PTPRM: variants seen among roughly 807,000 people sequenced by gnomAD.
PTPRM encodes protein tyrosine phosphatase receptor type M.
Under a neutral mutation model 186.7 loss-of-function variants are expected in PTPRM, and 47 were observed. That is an observed-to-expected ratio of 0.25 (90% confidence interval 0.20 to 0.32). PTPRM has a LOEUF of 0.32. Ranked by LOEUF, PTPRM falls within the 10% of genes least tolerant of loss-of-function variation. PTPRM has a pLI of 1.00. For synonymous variants in PTPRM, 668 were observed against 674.9 expected (o/e 0.99, Z 0.16); for missense variants, 1,494 against 1,865.0 (o/e 0.80, Z 3.66).
intron 13 of PTPRM, among the ~76,000 whole-genome samples, chr18:8,127,322 TC>T (rs2092393187): frequency 1.3e-5 from 2 of 151,376 alleles, no homozygotes; most frequent in South Asian, 4.2e-4. Context: ...ATGCTTAGAA[TC>T]CCTTCCAGGG....
At chr18:8,064,258 A>T (rs1269701663) in intron 7 of PTPRM, among the ~76,000 whole-genome samples, 1 of 152,232 alleles carries the variant, frequency 6.6e-6, no homozygotes, top group Non-Finnish European at 1.5e-5. Flanking sequence ...TCAAACCAGC[A>T]TTTGGAATAC....
intron 13 of PTPRM, among the ~76,000 whole-genome samples, chr18:8,127,418 G>GTTTTTTTT (rs10700223): frequency 2.1e-4 from 28 of 133,658 alleles, no homozygotes; most frequent in East Asian, 2.2e-4. Flanking sequence ...CAGCTGTATT[G>GTTTTTTTT]TTTTTTTTTT....
At chr18:7,820,085 G>T (rs931050353) in intron 2 of PTPRM, among the ~76,000 whole-genome samples, 1 of 152,250 alleles carries the variant, frequency 6.6e-6, no homozygotes, top group Admixed American at 6.5e-5. Context: ...AACTGTGCAG[G>T]ATCTTCTGGG....
chr18:7,819,429 A>G (rs1472515104), intron 2 of PTPRM, among the ~76,000 whole-genome samples: 1 of 45,526 alleles, frequency 2.2e-5, no homozygotes, highest in African/African-American at 4.4e-5. Context: ...AAAAGAGCAC[A>G]CCGACAGTTG....
chr18:7,716,529 C>T (rs1372118850), intron 1 of PTPRM, among the ~76,000 whole-genome samples: 1 of 152,148 alleles, frequency 6.6e-6, no homozygotes, highest in Non-Finnish European at 1.5e-5. Context: ...ACAAAAGAAA[C>T]TATCAGAGTG....
intron 3 of PTPRM, among the ~76,000 whole-genome samples, chr18:7,895,960 G>A: frequency 6.6e-6 from 1 of 152,186 alleles, no homozygotes; most frequent in African/African-American, 2.4e-5. Flanking sequence ...ACTATTTATG[G>A]TAGAATAGTA....
intron 4 of PTPRM, among the ~76,000 whole-genome samples, chr18:7,921,138 G>A (rs2146730675): frequency 6.6e-6 from 1 of 152,036 alleles, no homozygotes; most frequent in East Asian, 1.9e-4. Context: ...TCTCTTTCAT[G>A]TTTTGGAAAG....
rs141712790 is a variant in PTPRM at position 7,599,384 on chromosome 18, A to T, written c.73+31493A>T. Among the ~76,000 whole-genome samples the T allele has an allele frequency of 5.1e-4, 78 of 152,370 alleles. 3 individuals carry two copies. The East Asian group carries it at 6.5e-3, about 13-fold the overall frequency. Reference sequence around the variant, plus strand: ...CATGCAGATTACACTATGAGAGTTCATGCAGGTCTAAATAGTCTCAAATAA... The same window carrying T: ...CATGCAGATTACACTATGAGAGTTCTTGCAGGTCTAAATAGTCTCAAATAA... On this transcript the variant is annotated intron_variant, in intron 1 of 32. Transcript: ENST00000580170.
Position 7,567,469 on chromosome 18 carries a change from C to T in PTPRM, c.-350C>T. 1 of 184,996 alleles carries T rather than the reference C, an allele frequency of 5.4e-6. No homozygotes were observed. Among genetic ancestry groups the T allele is most frequent in the Non-Finnish European group, 1.1e-5 (1 of 90,504 alleles). The allele number at this position is 184,996 out of a possible 1,614,324, so 11.5% of individuals were successfully genotyped here. A position where few individuals can be genotyped will look rare whatever the true frequency, so the allele number is the denominator to read the frequency against. On this transcript the variant is annotated 5_prime_UTR_variant, in exon 1 of 33. Transcript: ENST00000580170. This position sits in a 1 kb window ranked among gnomAD's most constrained non-coding sequence, Gnocchi z 4.3. ...CGGCCACCGCCACGGCCACGGCCGG[C>T]AGCTCGGGTCCCGGGTCCCGGGCAG... is the stretch of plus-strand genomic sequence containing the variant.
At chr18:7,595,348 G>T (rs2037229882) in intron 1 of PTPRM, among the ~76,000 whole-genome samples, 1 of 152,180 alleles carries the variant, frequency 6.6e-6, no homozygotes, top group African/African-American at 2.4e-5. Context: ...TTCCTGATGT[G>T]CCTCTGAGGA....
At chr18:7,626,610 G>A (rs1299202698) in intron 1 of PTPRM, among the ~76,000 whole-genome samples, 6 of 152,206 alleles carry the variant, frequency 3.9e-5, no homozygotes, top group Non-Finnish European at 8.8e-5. Flanking sequence ...CAGTGAGGTT[G>A]TCCTGTGTAC....
Position 8,258,028 on chromosome 18 carries a change from C to G in PTPRM, c.2754+4614C>G, listed in dbSNP as rs150355219. Among the ~76,000 whole-genome samples, 684 of 152,206 alleles carry G rather than the reference C, an allele frequency of 4.5e-3. 5 individuals are homozygous for G. Among genetic ancestry groups the G allele is most frequent in the African/African-American group, 0.016 (656 of 41,532 alleles). On this transcript the variant is annotated intron_variant, in intron 19 of 32. Transcript: ENST00000580170. The stretch of plus-strand genomic sequence containing the variant: ...AAGGTAGTCATATGGCACCTCTCAC[C>G]AGGGAGATGCAATAATTTGATTCAA...
intron 1 of PTPRM, among the ~76,000 whole-genome samples, chr18:7,604,443 T>G (rs2037481428): frequency 6.6e-6 from 1 of 152,214 alleles, no homozygotes; most frequent in African/African-American, 2.4e-5. Context: ...TTCTCTGGTA[T>G]GGGAAATCCT....
chr18:7,697,814 G>A (rs1040794872), intron 1 of PTPRM, among the ~76,000 whole-genome samples: 3 of 152,160 alleles, frequency 2.0e-5, no homozygotes, highest in Non-Finnish European at 2.9e-5. Context: ...TGGAGATGGA[G>A]GTGGAATTCA....
chr18:7,729,188 A>G (rs958874240), intron 1 of PTPRM, among the ~76,000 whole-genome samples: 1 of 152,154 alleles, frequency 6.6e-6, no homozygotes, highest in Non-Finnish European at 1.5e-5. Context: ...GGGATTATAG[A>G]TGTGAGCCCA....
intron 7 of PTPRM, among the ~76,000 whole-genome samples, chr18:7,990,930 C>T (rs2083236008): frequency 2.0e-5 from 3 of 152,020 alleles, no homozygotes. Flanking sequence ...TGAATGATTG[C>T]TATAGCTAAT....
At chr18:7,795,553 T>TGA (rs879799453) in intron 2 of PTPRM, among the ~76,000 whole-genome samples, 4 of 152,014 alleles carry the variant, frequency 2.6e-5, no homozygotes, top group African/African-American at 7.2e-5. Flanking sequence ...TCTTTGTTTG[T>TGA]GAGAGTGTTA....
intron 14 of PTPRM, among the ~76,000 whole-genome samples, chr18:8,176,297 T>G (rs2093480716): frequency 6.6e-6 from 1 of 152,208 alleles, no homozygotes; most frequent in Non-Finnish European, 1.5e-5. Flanking sequence ...GTAATCTCTA[T>G]CTACTGCAAT....
intron 7 of PTPRM, among the ~76,000 whole-genome samples, chr18:7,975,391 A>C (rs759722463): frequency 2.0e-5 from 3 of 152,218 alleles, no homozygotes; most frequent in African/African-American, 4.8e-5. Context: ...TGACTGGATA[A>C]ACTATGGTAC....
Sources: gnomAD v4.1 joint callset for allele counts (sites outside exome capture counted in the v4.1 genomes callset) on GRCh38, gnomAD v4.1.1 for gene constraint, Gnocchi (gnomAD v3.1) non-coding constraint, MANE v1.5 for transcripts, NCBI Gene and HGNC (gene_info 2026-07-23, HGNC 2026-07-21) for gene names.